Variants in NELFCD observed in about 807,000 individuals in gnomAD.
NELFCD encodes negative elongation factor C/D.
In NELFCD, 48 loss-of-function variants were observed where a neutral mutation model predicts 72.9. The ratio of observed to expected loss-of-function variants is 0.66; its 90% CI spans 0.52 to 0.84. The LOEUF (loss-of-function observed/expected upper bound fraction) is 0.84, where lower values mean the gene tolerates loss of function less well. NELFCD is among the 40% of genes least tolerant of loss of function. The pLI is 0.00. For synonymous variants in NELFCD, 297 were observed against 280.6 expected (o/e 1.06, Z -0.59); for missense variants, 538 against 723.8 (o/e 0.74, Z 2.94).
Position 58,988,998 on chromosome 20 carries a change from T to C in NELFCD, c.481T>C (p.Leu161=). The change falls in exon 5 of 15, where the codon TTG becomes CTG. Residue 161 remains leucine, a synonymous_variant. Transcript: ENST00000652272. ...ACTGGCTGAAGCCCATCCAGACTGTTTGATGCTGAACTTCACCGTTAAGGT... is the reference window on the plus strand; with the variant it reads ...ACTGGCTGAAGCCCATCCAGACTGTCTGATGCTGAACTTCACCGTTAAGGT... ...YKLAEAHPDC[L]MLNFTVKLIS... 6.2e-7 allele frequency: 1 copy of C among 1,613,528 alleles called. No individual in the cohort carries two copies. The highest frequency in any genetic ancestry group is 1.3e-5 in the African/African-American group (1 of 75,036).
intron 4 of NELFCD, 34 bp downstream of exon 4, chr20:58,987,851 C>A (rs374111209): frequency 6.5e-6 from 10 of 1,549,886 alleles, no homozygotes; most frequent in African/African-American, 1.4e-5. Flanking sequence ...TAGTACCAGG[C>A]CCTAGGGTCT....
intron 10 of NELFCD, 28 bp downstream of exon 10, chr20:58,992,048 A>C: frequency 6.3e-7 from 1 of 1,588,088 alleles, no homozygotes; most frequent in East Asian, 2.3e-5. Flanking sequence ...CAGTTCTTAA[A>C]TCAGTCCTTT....
Position 58,989,676 on chromosome 20 carries a change from A to C in NELFCD, c.657+36A>C, listed in dbSNP as rs779114487. ...TCTTTATGAACCTCAGATTAGAAGG[A>C]GGCTGCTTTGGGTCTTGGTTTTCAA... On this transcript the variant is annotated intron_variant, in intron 6 of 14. Coordinates refer to ENST00000652272, the MANE Select transcript of NELFCD (RefSeq NM_198976.4). 4 of 1,613,814 alleles carry C rather than the reference A, an allele frequency of 2.5e-6. No homozygotes were observed. The East Asian group carries it at 8.9e-5, about 36-fold the overall frequency.
rs769349229 is a variant in NELFCD at position 58,986,706 on chromosome 20, C to T, written c.177-48C>T. The T allele has an allele frequency of 2.6e-5, 32 of 1,230,374 alleles. No individual in the cohort carries two copies. Among genetic ancestry groups the T allele is most frequent in the Middle Eastern group, 3.7e-4 (2 of 5,336 alleles). 76.2% of individuals were successfully genotyped at this position (1,230,374 alleles called of 1,614,324 possible). A position where few individuals can be genotyped will look rare whatever the true frequency, so the allele number is the denominator to read the frequency against. On this transcript the variant is annotated intron_variant, in intron 2 of 14. Coordinates refer to ENST00000652272, the MANE Select transcript of NELFCD (RefSeq NM_198976.4). The surrounding 1 kb of genome is among the most constrained non-coding windows in gnomAD (Gnocchi z 4.4). ...TCCTCCTTCCTTACCTTCCTGTTGT[C>T]CATCATTCCATTCATTCGGGTGTAA...
chr20:58,991,642 C>A, intron 9 of NELFCD, 196 bp downstream of exon 9: 1 of 747,242 alleles, frequency 1.3e-6, no homozygotes. Context: ...GCTCTGCAAA[C>A]CGTAAATTGA....
At position 58,991,932 on chromosome 20, in the gene NELFCD, G is replaced by A; in HGVS notation, c.1141G>A (p.Val381Ile). Residue 381 changes from valine to isoleucine, a missense_variant, in exon 10 of 15, where the codon GTC becomes ATC. Transcript: ENST00000652272. ...TGAGCTGAAGTCAACGTCAAAAGCTGTCGAAACCGTTCACAATTTGTGTTG... is the reference window on the plus strand; with the variant it reads ...TGAGCTGAAGTCAACGTCAAAAGCTATCGAAACCGTTCACAATTTGTGTTG... ...KDELKSTSKA[V>I]ETVHNLCCNE... 1 of 1,614,228 alleles carries A rather than the reference G, an allele frequency of 6.2e-7. No individual in the cohort carries two copies. The highest frequency in any genetic ancestry group is 1.1e-5 in the South Asian group (1 of 91,088).
At chr20:58,983,472 C>CCCAG (rs2091751839) in intron 1 of NELFCD, among the ~76,000 whole-genome samples, 2 of 145,886 alleles carry the variant, frequency 1.4e-5, no homozygotes, top group African/African-American at 5.1e-5. Context: ...CGGAGTCTCA[C>CCCAG]TCTGTCACCC....
chr20:58,989,185 T>C lies in NELFCD; in HGVS notation c.504+164T>C, dbSNP rs1035395462. 9.4e-6 allele frequency: 6 copies of C among 640,146 alleles called. No individual in the cohort carries two copies. In the African/African-American group the frequency reaches 1.1e-4, roughly 12 times the overall value. The allele number at this position is 640,146 out of a possible 1,614,324, so 39.7% of individuals were successfully genotyped here. A position where few individuals can be genotyped will look rare whatever the true frequency, so the allele number is the denominator to read the frequency against. ...GAGAAAGAAAAGTGTAAAATTTGTATCTGTTTTTGGGTCAGTGTTGACTGT... is the reference window on the plus strand; with the variant it reads ...GAGAAAGAAAAGTGTAAAATTTGTACCTGTTTTTGGGTCAGTGTTGACTGT... On this transcript the variant is annotated intron_variant, in intron 5 of 14. Coordinates refer to ENST00000652272, the MANE Select transcript of NELFCD (RefSeq NM_198976.4).
rs189775868 is a variant in NELFCD, at chr20:58,994,927, C to T, written c.*251C>T. ...TTTTCAGTGTTCATTTCCCTCAAGGCAGGCGCTGGGCTCCCACGACCCCTC... is the reference window on the plus strand; with the variant it reads ...TTTTCAGTGTTCATTTCCCTCAAGGTAGGCGCTGGGCTCCCACGACCCCTC... On this transcript the variant is annotated 3_prime_UTR_variant, in exon 15 of 15. Transcript: ENST00000652272. The T allele has an allele frequency of 2.2e-3, 1,104 of 505,090 alleles. 1 individual carries two copies. Among genetic ancestry groups the T allele is most frequent in the Non-Finnish European group, 3.2e-3 (915 of 285,762 alleles). 31.3% of individuals were successfully genotyped at this position (505,090 alleles called of 1,614,324 possible).
intron 3 of NELFCD, 61 bp from the exon 4 acceptor site, chr20:58,987,647 T>C: frequency 7.2e-7 from 1 of 1,393,008 alleles, no homozygotes; most frequent in Non-Finnish European, 1.0e-6. Context: ...CCATTTGCTT[T>C]CTAAAGCCAC....
At chr20:58,981,833 G>GTTTTATAAACA (rs1221426575) in intron 1 of NELFCD, among the ~76,000 whole-genome samples, 1 of 152,222 alleles carries the variant, frequency 6.6e-6, no homozygotes, top group Non-Finnish European at 1.5e-5. Context: ...ATTCCTACAT[G>GTTTTATAAACA]TGCTTTACTG....
At chr20:58,988,745 C>T (rs1322864929) in intron 4 of NELFCD, among the ~76,000 whole-genome samples, 169 bp from the exon 5 acceptor site, 4 of 152,164 alleles carry the variant, frequency 2.6e-5, no homozygotes, top group Non-Finnish European at 4.4e-5. Context: ...CTTTCTGTCA[C>T]TCAGCCGACT....
intron 7 of NELFCD, chr20:58,990,399 T>TAAA: frequency 6.9e-6 from 1 of 144,150 alleles, no homozygotes; most frequent in Admixed American, 6.9e-5. Context: ...AAACTCTGTC[T>TAAA]CAAAAAAAAA....
chr20:58,989,117 T>C, intron 5 of NELFCD, 96 bp downstream of exon 5: 1 of 850,138 alleles, frequency 1.2e-6, no homozygotes, highest in South Asian at 1.5e-5. Context: ...TTGCTTTTTT[T>C]CCATAAAGGT....
At chr20:58,983,287 CCAT>C (rs1297650442) in intron 1 of NELFCD, among the ~76,000 whole-genome samples, 11 of 151,698 alleles carry the variant, frequency 7.3e-5, no homozygotes, top group African/African-American at 2.7e-4. Flanking sequence ...CAGGCATCCG[CCAT>C]CATGTCCGGC....
At chr20:58,989,443 C>G in intron 5 of NELFCD, 45 bp from the exon 6 acceptor site, 2 of 1,602,188 alleles carry the variant, frequency 1.2e-6, no homozygotes, top group Non-Finnish European at 8.5e-7. Context: ...CGTGGAGGTG[C>G]GGTCACTGCA....
In NELFCD at chr20:58,992,012, G is replaced by A; in HGVS notation, c.1221G>A (p.Gln407=). The A allele has an allele frequency of 6.2e-7, 1 of 1,609,232 alleles. No individual in the cohort carries two copies. Among genetic ancestry groups the A allele is most frequent in the Non-Finnish European group, 8.5e-7 (1 of 1,176,906 alleles). Residue 407 remains glutamine (Q), a synonymous_variant, in exon 10 of 15, where the codon CAG becomes CAA. Coordinates refer to ENST00000652272, the MANE Select transcript of NELFCD (RefSeq NM_198976.4). Reference sequence around the variant, plus strand: ...TGGCAGAATTGAGCACACTTTATCAGTGTATTAGGTAAGCAAAACGAAACT... The same window carrying A: ...TGGCAGAATTGAGCACACTTTATCAATGTATTAGGTAAGCAAAACGAAACT... The part of the protein sequence containing the change: ...ELVAELSTLY[Q]CIRFPVVAMG...
chr20:58,993,135 A>C lies in NELFCD; in HGVS notation c.1344+23A>C. ...GAGGTAAGAGGGCGGAGAGCTGTTC[A>C]CAGCCTACACAGTGTCTGTCTCATG... On this transcript the variant is annotated intron_variant, in intron 11 of 14. Transcript: ENST00000652272. The surrounding 1 kb of genome is among the most constrained non-coding windows in gnomAD (Gnocchi z 5.0). 1 of 1,516,786 alleles carries C rather than the reference A, an allele frequency of 6.6e-7. No homozygotes were observed. The highest frequency in any genetic ancestry group is 1.7e-5 in the Admixed American group (1 of 59,890). The allele number at this position is 1,516,786 out of a possible 1,614,324, so 94.0% of individuals were successfully genotyped here.
chr20:58,993,302 T>G lies in NELFCD; in HGVS notation c.1345-147T>G, dbSNP rs772548407. On this transcript the variant is annotated intron_variant, in intron 11 of 14. Coordinates refer to ENST00000652272, the MANE Select transcript of NELFCD (RefSeq NM_198976.4). This position sits in a 1 kb window ranked among gnomAD's most constrained non-coding sequence, Gnocchi z 5.0. Reference sequence around the variant, plus strand: ...CAGAAATTTCTTAACCTCAGTCAAGTGTTACTGGAAGCTGATGGCCCTGGC... The same window carrying G: ...CAGAAATTTCTTAACCTCAGTCAAGGGTTACTGGAAGCTGATGGCCCTGGC... The G allele has an allele frequency of 1.2e-6, 1 of 843,652 alleles. No homozygotes were observed. Among genetic ancestry groups the G allele is most frequent in the Non-Finnish European group, 1.9e-6 (1 of 537,874 alleles). 52.3% of individuals were successfully genotyped at this position (843,652 alleles called of 1,614,324 possible).
Sources: gnomAD v4.1 joint callset for allele counts (sites outside exome capture counted in the v4.1 genomes callset) on GRCh38, gnomAD v4.1.1 for gene constraint, Gnocchi (gnomAD v3.1) non-coding constraint, MANE v1.5 for transcripts, NCBI Gene and HGNC (gene_info 2026-07-23, HGNC 2026-07-21) for gene names.